The following TLL1 variants were observed in gnomAD, a reference collection of about 807,000 sequenced individuals.
TLL1 encodes the protein tolloid-like protein 1.
Under a neutral mutation model 128.2 loss-of-function variants are expected in TLL1, and 49 were observed. The ratio of observed to expected loss-of-function variants is 0.38; its 90% confidence interval spans 0.30 to 0.48. The LOEUF (loss-of-function observed/expected upper bound fraction) is 0.48, where lower values mean the gene tolerates loss of function less well. Among genes scored for constraint, TLL1 ranks in the 20% least tolerant of loss-of-function variants. The pLI is 0.96. For missense variants in TLL1, 1,123 were observed against 1,242.0 expected (o/e 0.90, Z 1.44); for synonymous variants, 454 against 418.8 (o/e 1.08, Z -1.03).
chr4:166,014,439 G>A lies in TLL1; in HGVS notation c.921G>A (p.Gly307=), dbSNP rs1485913695. ...GTTTGCTTCTGCTTTTTTTCAGGGG[G>A]ATGTTTCTGGATACCATTCTCCCCT... ...MHYARNTFSR[G]MFLDTILPSR... Residue 307 remains glycine (G), a synonymous_variant, in exon 8 of 21, where the codon GGG becomes GGA. Coordinates refer to ENST00000061240, the MANE Select transcript of TLL1 (RefSeq NM_012464.5). 4 of 1,611,772 alleles carry A rather than the reference G, an allele frequency of 2.5e-6. No homozygotes were observed. The highest frequency in any genetic ancestry group is 2.2e-5 in the South Asian group (2 of 91,066).
intron 1 of TLL1, among the ~76,000 whole-genome samples, chr4:165,979,938 A>G (rs6814505): frequency 0.08 from 12,118 of 152,170 alleles, 1,588 homozygotes; most frequent in African/African-American, 0.27. Flanking sequence ...AGTCTTGTTG[A>G]CTGACTGTAT....
intron 1 of TLL1, among the ~76,000 whole-genome samples, chr4:165,883,175 T>C (rs1731035385): frequency 1.3e-5 from 2 of 152,142 alleles, no homozygotes; most frequent in Admixed American, 1.3e-4. Flanking sequence ...TATTAAATCT[T>C]GTTCTTGTAT....
chr4:166,011,343 T>C (rs529623389), intron 7 of TLL1, among the ~76,000 whole-genome samples: 7 of 151,648 alleles, frequency 4.6e-5, no homozygotes, highest in South Asian at 2.1e-4. Flanking sequence ...TAGTTTTCAG[T>C]GTAAAATCTT....
intron 6 of TLL1, among the ~76,000 whole-genome samples, chr4:166,006,137 A>G (rs151213610): frequency 0.038 from 5,730 of 151,966 alleles, 127 homozygotes; most frequent in Middle Eastern, 0.058. Flanking sequence ...CTTTGGCCTC[A>G]CATTTATATG....
intron 12 of TLL1, 107 bp from the exon 13 acceptor site, chr4:166,054,969 C>A (rs1325258219): frequency 2.2e-6 from 2 of 892,444 alleles, no homozygotes; most frequent in Non-Finnish European, 3.3e-6. Flanking sequence ...ATACAAATAA[C>A]TTTTATATTA....
At chr4:166,096,958 G>A (rs762595723) in intron 19 of TLL1, among the ~76,000 whole-genome samples, 11 of 152,026 alleles carry the variant, frequency 7.2e-5, no homozygotes, top group Admixed American at 2.0e-4. Flanking sequence ...GAGTACAGAT[G>A]ATGGCATTTA....
chr4:165,989,844 G>A lies in TLL1; in HGVS notation c.280+353G>A, dbSNP rs149256751. Among the ~76,000 whole-genome samples the A allele has an allele frequency of 2.3e-3, 353 of 151,672 alleles. 4 individuals carry two copies. In the East Asian group the frequency reaches 0.037, roughly 16 times the overall value. On this transcript the variant is annotated intron_variant, in intron 2 of 20. Coordinates refer to ENST00000061240, the MANE Select transcript of TLL1 (RefSeq NM_012464.5). ...TAGAAGGCTATACAGCTTTCTTATC[G>A]TCACATCATCAGGAAGTGGCCATGT...
intron 17 of TLL1, among the ~76,000 whole-genome samples, chr4:166,076,966 T>C (rs1484244505): frequency 2.0e-5 from 3 of 152,170 alleles, no homozygotes; most frequent in Non-Finnish European, 4.4e-5. Flanking sequence ...CCTTGCTGTG[T>C]GGCCCCGAAG....
At position 166,014,557 on chromosome 4, in the gene TLL1, C is replaced by G; in HGVS notation, c.1039C>G (p.Pro347Ala). ...ACAGGCAAGAAAGCTGTATAGATGT[C>G]CAGGTATTGCACTACACAAACACAA... is the stretch of plus-strand genomic sequence containing the variant. ...IAQARKLYRC[P>A]ACGETLQESN... The change falls in exon 8 of 21, where the codon CCA becomes GCA. Residue 347 changes from proline (P) to alanine (A), a missense_variant. By Grantham distance (27) the Pro-to-Ala change is conservative. Transcript: ENST00000061240. 14 of 1,611,538 alleles carry G rather than the reference C, an allele frequency of 8.7e-6. No individual in the cohort carries two copies. The highest frequency in any genetic ancestry group is 1.1e-5 in the Non-Finnish European group (13 of 1,178,254).
At chr4:166,048,484 A>C (rs1739566132) in intron 12 of TLL1, among the ~76,000 whole-genome samples, 2 of 152,324 alleles carry the variant, frequency 1.3e-5, no homozygotes, top group South Asian at 4.1e-4. Flanking sequence ...GTTATTGGAT[A>C]CATTATTTTT....
At chr4:166,052,889 C>G (rs1284299829) in intron 12 of TLL1, among the ~76,000 whole-genome samples, 1 of 147,296 alleles carries the variant, frequency 6.8e-6, no homozygotes. Flanking sequence ...CTTTGGCCAT[C>G]TGGAAATGTT....
chr4:165,910,141 C>G (rs1246773330), intron 1 of TLL1, among the ~76,000 whole-genome samples: 2 of 152,102 alleles, frequency 1.3e-5, no homozygotes, highest in Admixed American at 6.5e-5. Flanking sequence ...CTGGCTGTTT[C>G]ACTTTCGGAA....
chr4:165,894,647 T>A (rs2110838495), intron 1 of TLL1, among the ~76,000 whole-genome samples: 1 of 152,282 alleles, frequency 6.6e-6, no homozygotes, highest in East Asian at 1.9e-4. Flanking sequence ...ATGTTTATTG[T>A]GGAACAGAAG....
chr4:166,046,671 A>G (rs1302217199), intron 12 of TLL1, among the ~76,000 whole-genome samples: 1 of 152,212 alleles, frequency 6.6e-6, no homozygotes, highest in East Asian at 1.9e-4. Flanking sequence ...CACGTGTGTC[A>G]GATTATCTTC....
At chr4:165,923,606 T>G (rs747317044) in intron 1 of TLL1, among the ~76,000 whole-genome samples, 1 of 151,660 alleles carries the variant, frequency 6.6e-6, no homozygotes, top group African/African-American at 2.4e-5. Context: ...ACTAATTTTT[T>G]TTGTATTTTT....
At chr4:166,099,015 A>G (rs1421738874) in intron 19 of TLL1, among the ~76,000 whole-genome samples, 2 of 152,120 alleles carry the variant, frequency 1.3e-5, no homozygotes, top group African/African-American at 4.8e-5. Flanking sequence ...TGAGAAAAAT[A>G]TGGCTCAAAG....
chr4:166,004,033 A>G (rs1737291745), intron 6 of TLL1, among the ~76,000 whole-genome samples: 1 of 152,102 alleles, frequency 6.6e-6, no homozygotes, highest in Non-Finnish European at 1.5e-5. Context: ...GAAATGAGTC[A>G]TTTCCAAGCT....
chr4:166,023,263 G>A (rs1738327457), intron 8 of TLL1, among the ~76,000 whole-genome samples: 1 of 152,158 alleles, frequency 6.6e-6, no homozygotes, highest in African/African-American at 2.4e-5. Flanking sequence ...AGCTGGGAGT[G>A]TTGGTGCATG....
At chr4:166,062,434 A>G (rs1740361773) in intron 15 of TLL1, among the ~76,000 whole-genome samples, 1 of 152,156 alleles carries the variant, frequency 6.6e-6, no homozygotes, top group Non-Finnish European at 1.5e-5. Context: ...GGTCCTTCAC[A>G]TCCCTCGTAA....
Sources: allele counts gnomAD v4.1 joint callset (sites outside exome capture counted in the v4.1 genomes callset), GRCh38; gene constraint gnomAD v4.1.1; transcripts MANE v1.5; gene names NCBI Gene and HGNC (gene_info 2026-07-23, HGNC 2026-07-21).